The following GAB1 variants were observed in gnomAD, a reference collection of about 807,000 sequenced individuals.
The protein encoded by GAB1 is GRB2 associated binding protein 1.
Under a neutral mutation model 66.5 loss-of-function variants are expected in GAB1, and 19 were observed. The ratio of observed to expected loss-of-function variants is 0.29; its 90% CI spans 0.20 to 0.42. The LOEUF (loss-of-function observed/expected upper bound fraction) is 0.42, where lower values mean the gene tolerates loss of function less well. Ranked by LOEUF, GAB1 falls within the 10% of genes least tolerant of loss-of-function variation. The pLI is 1.00. For synonymous variants in GAB1, 294 were observed against 301.4 expected (o/e 0.98, Z 0.25); for missense variants, 732 against 858.5 (o/e 0.85, Z 1.84).
chr4:143,359,547 C>G (rs1729580924), intron 1 of GAB1, among the ~76,000 whole-genome samples: 1 of 152,130 alleles, frequency 6.6e-6, no homozygotes, highest in Admixed American at 6.5e-5. Context: ...TTGGGTTTCC[C>G]AAAACATCAC....
chr4:143,367,312 A>G (rs766808116), intron 1 of GAB1, among the ~76,000 whole-genome samples: 1 of 152,190 alleles, frequency 6.6e-6, no homozygotes, highest in Non-Finnish European at 1.5e-5. Context: ...GCTTGTTGAA[A>G]TGGACCCAAT....
chr4:143,352,967 A>G (rs1334089899), intron 1 of GAB1, among the ~76,000 whole-genome samples: 1 of 152,216 alleles, frequency 6.6e-6, no homozygotes, highest in Non-Finnish European at 1.5e-5. Flanking sequence ...GAATTTTTAG[A>G]AAGGTTAGAA....
chr4:143,469,332 G>A lies in GAB1; in HGVS notation c.*143G>A, dbSNP rs1048334616. On this transcript the variant is annotated 3_prime_UTR_variant, in exon 10 of 10. Coordinates refer to ENST00000262994, the MANE Select transcript of GAB1 (RefSeq NM_002039.4). Reference sequence around the variant, plus strand: ...CAAAGGACCTTTCTGACATAATCAAGCAATTTAGACTTAAGTGGTGCTTTG... The same window carrying A: ...CAAAGGACCTTTCTGACATAATCAAACAATTTAGACTTAAGTGGTGCTTTG... The A allele has an allele frequency of 6.4e-6, 5 of 783,870 alleles. No individual in the cohort carries two copies. Among genetic ancestry groups the A allele is most frequent in the Non-Finnish European group, 9.9e-6 (5 of 503,726 alleles). 48.6% of individuals were successfully genotyped at this position (783,870 alleles called of 1,614,324 possible).
intron 1 of GAB1, chr4:143,395,574 C>T (rs62337531): frequency 0.041 from 9,407 of 228,660 alleles, 225 homozygotes; most frequent in African/African-American, 0.052. Context: ...AAATGGTGAA[C>T]GATAGGATTG....
At chr4:143,387,844 C>G (rs1344755832) in intron 1 of GAB1, among the ~76,000 whole-genome samples, 2 of 152,176 alleles carry the variant, frequency 1.3e-5, no homozygotes, top group Non-Finnish European at 2.9e-5. Context: ...TTGATCCTAT[C>G]CTGTCTTCCT....
intron 1 of GAB1, among the ~76,000 whole-genome samples, chr4:143,377,332 A>G (rs1010505815): frequency 1.3e-5 from 2 of 152,158 alleles, no homozygotes; most frequent in African/African-American, 2.4e-5. Flanking sequence ...CCTTTTTGGA[A>G]GCTGGCTTTT....
At chr4:143,345,936 C>G (rs1728972032) in intron 1 of GAB1, among the ~76,000 whole-genome samples, 1 of 152,170 alleles carries the variant, frequency 6.6e-6, no homozygotes, top group African/African-American at 2.4e-5. Flanking sequence ...CTACATTCCC[C>G]AGGCTGGTCT....
chr4:143,373,413 CTG>C (rs1730236184), intron 1 of GAB1, among the ~76,000 whole-genome samples: 1 of 152,172 alleles, frequency 6.6e-6, no homozygotes, highest in Non-Finnish European at 1.5e-5. Flanking sequence ...TTTCAAATAA[CTG>C]TGAACAGCCT....
intron 1 of GAB1, among the ~76,000 whole-genome samples, chr4:143,394,393 C>T (rs1731337508): frequency 6.6e-6 from 1 of 152,276 alleles, no homozygotes; most frequent in African/African-American, 2.4e-5. Context: ...CTTGGGAACC[C>T]ACCTCAGTTA....
At chr4:143,443,564 A>T (rs951368306) in intron 6 of GAB1, among the ~76,000 whole-genome samples, 1 of 152,252 alleles carries the variant, frequency 6.6e-6, no homozygotes, top group Non-Finnish European at 1.5e-5. Flanking sequence ...CAGTATTCAT[A>T]GCATCAGATG....
chr4:143,345,239 A>G (rs908764597), intron 1 of GAB1, among the ~76,000 whole-genome samples: 11 of 152,092 alleles, frequency 7.2e-5, no homozygotes, highest in Non-Finnish European at 1.6e-4. Context: ...TTTTATTTTT[A>G]TATATTAGAA....
chr4:143,454,181 T>G (rs908416983), intron 6 of GAB1, among the ~76,000 whole-genome samples: 4 of 152,254 alleles, frequency 2.6e-5, no homozygotes, highest in Non-Finnish European at 5.9e-5. Flanking sequence ...CACATCCGTA[T>G]TCTTATGGCA....
chr4:143,337,382 T>A, intron 1 of GAB1, 122 bp downstream of exon 1: 1 of 829,180 alleles, frequency 1.2e-6, no homozygotes, highest in South Asian at 1.6e-5. Flanking sequence ...CCGGTCTCTT[T>A]CCCCTTGGCC....
At chr4:143,389,251 C>T (rs1242235457) in intron 1 of GAB1, among the ~76,000 whole-genome samples, 1 of 152,150 alleles carries the variant, frequency 6.6e-6, no homozygotes, top group Non-Finnish European at 1.5e-5. Flanking sequence ...AATGAGGAGA[C>T]CAATGTATAT....
At chr4:143,427,875 T>G (rs1467934271) in intron 2 of GAB1, among the ~76,000 whole-genome samples, 1 of 152,204 alleles carries the variant, frequency 6.6e-6, no homozygotes, top group African/African-American at 2.4e-5. Context: ...CTCTTCCTAG[T>G]GAATACCCAG....
At position 143,471,020 on chromosome 4, in the gene GAB1, A is replaced by T. The variant is rs946541504; in HGVS notation, c.*1831A>T. The T allele has an allele frequency of 5.9e-5, 9 of 152,236 alleles. No homozygotes were observed. Among genetic ancestry groups the T allele is most frequent in the African/African-American group, 2.2e-4 (9 of 41,470 alleles). 9.4% of individuals were successfully genotyped at this position (152,236 alleles called of 1,614,324 possible). A position where few individuals can be genotyped will look rare whatever the true frequency, so the allele number is the denominator to read the frequency against. On this transcript the variant is annotated 3_prime_UTR_variant, in exon 10 of 10. Transcript: ENST00000262994. ...TTTTATAATGAAACAACAAAATGAA[A>T]TCTAAAATCCTGAAATGTGCCTAAA...
intron 3 of GAB1, among the ~76,000 whole-genome samples, chr4:143,433,924 C>G (rs1411083750): frequency 6.6e-6 from 1 of 152,246 alleles, no homozygotes; most frequent in East Asian, 1.9e-4. Context: ...GAGACACAAT[C>G]TCTGCCATCT....
At chr4:143,349,677 G>T (rs1266555567) in intron 1 of GAB1, 65 of 1,515,184 alleles carry the variant, frequency 4.3e-5, no homozygotes, top group Non-Finnish European at 5.3e-5. Context: ...GGACAATGGA[G>T]AGCTTGGCCA....
chr4:143,364,850 A>C (rs1253002167), intron 1 of GAB1, among the ~76,000 whole-genome samples: 3 of 150,804 alleles, frequency 2.0e-5, no homozygotes, highest in East Asian at 1.9e-4. Context: ...ACAAAAATTA[A>C]AGCTCTCCCT....
Sources: gnomAD v4.1 joint callset for allele counts (sites outside exome capture counted in the v4.1 genomes callset) on GRCh38, gnomAD v4.1.1 for gene constraint, MANE v1.5 for transcripts, NCBI Gene and HGNC (gene_info 2026-07-23, HGNC 2026-07-21) for gene names.